The following ZBTB20 variants were observed in gnomAD, a reference collection of about 807,000 sequenced individuals.
ZBTB20 encodes the protein zinc finger and BTB domain-containing protein 20.
Under a neutral mutation model 56.9 loss-of-function variants are expected in ZBTB20, and 9 were observed. That is an observed-to-expected ratio of 0.16 (90% CI 0.10 to 0.28). ZBTB20 has a LOEUF of 0.28. Among genes scored for constraint, ZBTB20 ranks in the 10% least tolerant of loss-of-function variants. The pLI, the probability that ZBTB20 is intolerant of heterozygous loss-of-function variation, is 1.00. For missense variants in ZBTB20, 655 were observed against 1,003.0 expected (o/e 0.65, Z 4.69); for synonymous variants, 417 against 420.7 (o/e 0.99, Z 0.11).
At chr3:114,485,019 A>C (rs1311833300) in intron 7 of ZBTB20, among the ~76,000 whole-genome samples, 1 of 152,154 alleles carries the variant, frequency 6.6e-6, no homozygotes, top group Admixed American at 6.5e-5. Flanking sequence ...TAAAGGATTG[A>C]TTTGGTAGCT....
At chr3:114,786,145 T>A (rs2108789036) in intron 5 of ZBTB20, among the ~76,000 whole-genome samples, 1 of 152,278 alleles carries the variant, frequency 6.6e-6, no homozygotes, top group South Asian at 2.1e-4. Context: ...TTTTTTTCTT[T>A]TTTAATTATT....
intron 11 of ZBTB20, among the ~76,000 whole-genome samples, chr3:114,345,406 T>C (rs2108143762): frequency 6.6e-6 from 1 of 152,350 alleles, no homozygotes; most frequent in Non-Finnish European, 1.5e-5. Flanking sequence ...ATTTGCCATG[T>C]GACCTATGTA....
intron 4 of ZBTB20, among the ~76,000 whole-genome samples, chr3:114,853,135 A>T (rs1309039462): frequency 6.6e-6 from 1 of 152,222 alleles, no homozygotes; most frequent in Non-Finnish European, 1.5e-5. Context: ...CTTTTGGCAC[A>T]TGTGGCAGGC....
chr3:114,335,390 C>A lies in ZBTB20; in HGVS notation c.*3615G>T, dbSNP rs1323371838. The A allele has an allele frequency of 6.6e-6, 1 of 152,196 alleles. No homozygotes were observed. Among genetic ancestry groups the A allele is most frequent in the Non-Finnish European group, 1.5e-5 (1 of 68,022 alleles). 9.4% of individuals were successfully genotyped at this position (152,196 alleles called of 1,614,324 possible). A position where few individuals can be genotyped will look rare whatever the true frequency, so the allele number is the denominator to read the frequency against. On this transcript the variant is annotated 3_prime_UTR_variant, in exon 12 of 12. Transcript: ENST00000675478. ...AAAAAAAATTAAAAAGATCCACACT[C>A]ATTCTTTGATTTTGAAGCAAATGTC...
At chr3:114,590,524 AAAAT>A (rs146320436) in intron 6 of ZBTB20, among the ~76,000 whole-genome samples, 1 of 148,648 alleles carries the variant, frequency 6.7e-6, no homozygotes. Flanking sequence ...AAATAAATAA[AAAAT>A]AAACAAAAAT....
rs559965113 is a variant in ZBTB20 at position 114,338,651 on chromosome 3, A to G, written c.*354T>C. The G allele has an allele frequency of 6.5e-6, 1 of 154,476 alleles. No individual in the cohort carries two copies. Among genetic ancestry groups the G allele is most frequent in the Non-Finnish European group, 1.4e-5 (1 of 72,840 alleles). 9.6% of individuals were successfully genotyped at this position (154,476 alleles called of 1,614,324 possible). ...TTTGTAGTGCTCTTCACAAGTGGAA[A>G]TTTTTTTTTTTTTTTTACTTTTTTT... On this transcript the variant is annotated 3_prime_UTR_variant, in exon 12 of 12. Coordinates refer to ENST00000675478, the MANE Select transcript of ZBTB20 (RefSeq NM_001348800.3).
chr3:114,605,218 T>TCCAC (rs1456971036), intron 6 of ZBTB20, among the ~76,000 whole-genome samples: 1 of 152,148 alleles, frequency 6.6e-6, no homozygotes, highest in African/African-American at 2.4e-5. Context: ...AACACATTTA[T>TCCAC]CCACTAGTCA....
At chr3:114,391,453 C>T (rs1341640934) in intron 7 of ZBTB20, among the ~76,000 whole-genome samples, 1 of 152,200 alleles carries the variant, frequency 6.6e-6, no homozygotes, top group Non-Finnish European at 1.5e-5. Context: ...CAAATGCCAC[C>T]TCATTTATGA....
intron 10 of ZBTB20, among the ~76,000 whole-genome samples, chr3:114,377,304 G>A (rs1171987516): frequency 6.6e-6 from 1 of 152,178 alleles, no homozygotes; most frequent in Non-Finnish European, 1.5e-5. Context: ...GTTAGTAGGC[G>A]CACTGCAAAG....
chr3:114,865,385 TTCTTG>T (rs1340708351), intron 4 of ZBTB20, among the ~76,000 whole-genome samples: 1 of 152,212 alleles, frequency 6.6e-6, no homozygotes, highest in South Asian at 2.1e-4. Flanking sequence ...ATTCTGCGTC[TTCTTG>T]TCTTAAGTAC....
chr3:115,033,180 ACTACTACTATT>A (rs1196737676), intron 2 of ZBTB20, among the ~76,000 whole-genome samples: 1 of 151,332 alleles, frequency 6.6e-6, no homozygotes, highest in Non-Finnish European at 1.5e-5. Context: ...GAGAGGAAAC[ACTACTACTATT>A]CTACAGAAAT....
intron 6 of ZBTB20, among the ~76,000 whole-genome samples, chr3:114,506,985 T>G (rs1214687098): frequency 6.6e-6 from 1 of 152,192 alleles, no homozygotes; most frequent in African/African-American, 2.4e-5. Context: ...CAATGTTTGT[T>G]GAATAAATGC....
chr3:114,834,965 A>G (rs7624961), intron 4 of ZBTB20, among the ~76,000 whole-genome samples: 31,424 of 152,154 alleles, frequency 0.21, 3,436 homozygotes, highest in Middle Eastern at 0.26. Flanking sequence ...TTAAAGCCAC[A>G]GTGAAAGGAA....
intron 6 of ZBTB20, among the ~76,000 whole-genome samples, chr3:114,657,343 A>G (rs1234358129): frequency 1.3e-5 from 2 of 152,202 alleles, no homozygotes; most frequent in Non-Finnish European, 2.9e-5. Flanking sequence ...TGGGATTCAT[A>G]AAGCCTGAGA....
chr3:114,460,881 C>A (rs2092298615), intron 7 of ZBTB20, among the ~76,000 whole-genome samples: 1 of 152,092 alleles, frequency 6.6e-6, no homozygotes, highest in Admixed American at 6.5e-5. Context: ...ATACAAGAAC[C>A]CTTACCAGTC....
intron 8 of ZBTB20, among the ~76,000 whole-genome samples, chr3:114,382,344 T>A (rs1576495746): frequency 6.6e-6 from 1 of 152,218 alleles, no homozygotes; most frequent in East Asian, 1.9e-4. Context: ...GATGACTACA[T>A]TAGCCTGACA....
chr3:114,694,908 A>G (rs1219481314), intron 5 of ZBTB20, among the ~76,000 whole-genome samples: 1 of 152,106 alleles, frequency 6.6e-6, no homozygotes, highest in Non-Finnish European at 1.5e-5. Flanking sequence ...TGATTGGTCC[A>G]CTACTACAGT....
At chr3:114,893,246 A>G (rs1265588033) in intron 4 of ZBTB20, among the ~76,000 whole-genome samples, 1 of 152,180 alleles carries the variant, frequency 6.6e-6, no homozygotes, top group Non-Finnish European at 1.5e-5. Flanking sequence ...TAATTACACT[A>G]TACAGAATTC....
intron 5 of ZBTB20, among the ~76,000 whole-genome samples, chr3:114,748,344 T>TG (rs2067266517): frequency 2.3e-5 from 1 of 43,406 alleles, no homozygotes; most frequent in African/African-American, 5.5e-5. Flanking sequence ...CTTCTTTCTT[T>TG]CTTTCTTTTC....
Sources: gnomAD v4.1 joint callset for allele counts (sites outside exome capture counted in the v4.1 genomes callset) on GRCh38, gnomAD v4.1.1 for gene constraint, MANE v1.5 for transcripts, NCBI Gene and HGNC (gene_info 2026-07-23, HGNC 2026-07-21) for gene names.